Variants in KIAA1328 observed in about 807,000 individuals in gnomAD.
KIAA1328 encodes KIAA1328, also known as protein hinderin.
A neutral mutation model predicts 68.1 loss-of-function variants in KIAA1328; 52 were observed. The observed-to-expected ratio is 0.76, with a 90% CI of 0.61 to 0.96. The LOEUF is 0.96. Among genes scored for constraint, KIAA1328 ranks in the 40% least tolerant of loss-of-function variants. KIAA1328 has a pLI of 0.00. For missense variants in KIAA1328, 641 were observed against 677.6 expected, an observed-to-expected ratio of 0.95 and a Z score of 0.60; for synonymous variants, 232 against 239.4, an observed-to-expected ratio of 0.97 and a Z score of 0.28.
intron 7 of KIAA1328, among the ~76,000 whole-genome samples, chr18:37,139,826 T>C (rs977841325): frequency 6.6e-6 from 1 of 152,182 alleles, no homozygotes; most frequent in Non-Finnish European, 1.5e-5. Flanking sequence ...TAAGGCCCCA[T>C]TAAAAATACT....
At chr18:36,873,464 C>T (rs2048015183) in intron 4 of KIAA1328, among the ~76,000 whole-genome samples, 2 of 152,022 alleles carry the variant, frequency 1.3e-5, no homozygotes, top group Non-Finnish European at 1.5e-5. Flanking sequence ...GACAGTAGTC[C>T]CTATCTTTTT....
chr18:37,063,501 A>T, intron 6 of KIAA1328: 1 of 246,140 alleles, frequency 4.1e-6, no homozygotes, highest in Non-Finnish European at 6.5e-6. Flanking sequence ...CTCAGGATTT[A>T]TATCCTGTCA....
intron 8 of KIAA1328, among the ~76,000 whole-genome samples, chr18:37,160,682 A>G (rs577349581): frequency 6.6e-6 from 1 of 152,332 alleles, no homozygotes; most frequent in Admixed American, 6.5e-5. Flanking sequence ...AAGTGAGTAA[A>G]GAGGGCAAGA....
At chr18:36,927,529 T>C (rs1269920936) in intron 5 of KIAA1328, among the ~76,000 whole-genome samples, 1 of 152,138 alleles carries the variant, frequency 6.6e-6, no homozygotes, top group Non-Finnish European at 1.5e-5. Context: ...GGCAGATCAC[T>C]TGAGCTCAGG....
chr18:37,147,088 G>T (rs1371336746), intron 7 of KIAA1328, among the ~76,000 whole-genome samples: 1 of 151,990 alleles, frequency 6.6e-6, no homozygotes, highest in Non-Finnish European at 1.5e-5. Flanking sequence ...GCTCCCCTTT[G>T]CCTTCTGCCA....
chr18:37,073,492 A>C (rs561321880), intron 7 of KIAA1328, among the ~76,000 whole-genome samples: 27 of 152,310 alleles, frequency 1.8e-4, no homozygotes, highest in African/African-American at 6.5e-4. Context: ...CAATTATTAA[A>C]AGGTTCCACA....
At chr18:37,073,748 A>G (rs1834618828) in intron 7 of KIAA1328, among the ~76,000 whole-genome samples, 1 of 152,158 alleles carries the variant, frequency 6.6e-6, no homozygotes, top group South Asian at 2.1e-4. Context: ...CTTTATTTTC[A>G]GAGACTTGCT....
chr18:36,882,052 A>G (rs969827325), intron 4 of KIAA1328, among the ~76,000 whole-genome samples: 3 of 152,200 alleles, frequency 2.0e-5, no homozygotes, highest in South Asian at 2.1e-4. Context: ...TTACATTCCT[A>G]CTAAGCACTG....
At chr18:36,895,831 A>T (rs2048849934) in intron 5 of KIAA1328, 6 of 455,018 alleles carry the variant, frequency 1.3e-5, no homozygotes, top group South Asian at 9.3e-5. Flanking sequence ...GTTGTCCTAG[A>T]AGAAGAGCAG....
chr18:37,096,912 G>A (rs1022868154), intron 7 of KIAA1328, among the ~76,000 whole-genome samples: 5 of 152,066 alleles, frequency 3.3e-5, no homozygotes, highest in African/African-American at 1.2e-4. Flanking sequence ...CCCACTTTTT[G>A]TTGGGGCCGT....
At chr18:36,899,909 C>T (rs1194045208) in intron 5 of KIAA1328, among the ~76,000 whole-genome samples, 1 of 151,752 alleles carries the variant, frequency 6.6e-6, no homozygotes, top group Non-Finnish European at 1.5e-5. Flanking sequence ...TAATATATTG[C>T]AAGAAAATCC....
At chr18:36,837,807 T>C (rs75632162) in intron 3 of KIAA1328, among the ~76,000 whole-genome samples, 3,152 of 152,278 alleles carry the variant, frequency 0.021, 57 homozygotes, top group Non-Finnish European at 0.035. Flanking sequence ...CATGTAGATA[T>C]CCAGTTGTCC....
At chr18:37,185,100 A>T (rs2059770030) in intron 9 of KIAA1328, among the ~76,000 whole-genome samples, 1 of 151,686 alleles carries the variant, frequency 6.6e-6, no homozygotes, top group South Asian at 2.1e-4. Flanking sequence ...TGGGAGGCAG[A>T]GCTTGCAGTG....
intron 7 of KIAA1328, among the ~76,000 whole-genome samples, chr18:37,098,116 T>C (rs985129562): frequency 6.6e-6 from 1 of 152,078 alleles, no homozygotes; most frequent in African/African-American, 2.4e-5. Context: ...CTATGTTGAA[T>C]AGGAGTGGTG....
rs373868325 is a variant in KIAA1328, at chr18:36,869,279, T to C, written c.333-16278T>C. Reference sequence around the variant, plus strand: ...TTCTGAGCTCTGTATCAAAAGAATATCTTTTGAGTAACTAGTGTACACTTA... The same window carrying C: ...TTCTGAGCTCTGTATCAAAAGAATACCTTTTGAGTAACTAGTGTACACTTA... On this transcript the variant is annotated intron_variant, in intron 4 of 9. Transcript: ENST00000280020. 2.3e-4 allele frequency among the ~76,000 whole-genome samples: 35 copies of C among 152,326 alleles called. No homozygotes were observed. In the East Asian group the frequency reaches 6.6e-3, roughly 29 times the overall value.
At chr18:37,005,062 C>A (rs2053729598) in intron 6 of KIAA1328, among the ~76,000 whole-genome samples, 1 of 151,860 alleles carries the variant, frequency 6.6e-6, no homozygotes, top group Non-Finnish European at 1.5e-5. Context: ...GAGGCAAAGG[C>A]ATAAGAATGA....
At chr18:37,057,568 C>T (rs1384306225) in intron 6 of KIAA1328, among the ~76,000 whole-genome samples, 1 of 151,850 alleles carries the variant, frequency 6.6e-6, no homozygotes, top group African/African-American at 2.4e-5. Context: ...GCTGGGACTA[C>T]AGGTGCACAC....
At chr18:37,057,777 T>C (rs2055977696) in intron 6 of KIAA1328, among the ~76,000 whole-genome samples, 1 of 152,134 alleles carries the variant, frequency 6.6e-6, no homozygotes, top group South Asian at 2.1e-4. Flanking sequence ...AAGGTTTTAC[T>C]GTAACACAGA....
intron 9 of KIAA1328, among the ~76,000 whole-genome samples, chr18:37,209,203 CTT>C (rs2154220088): frequency 6.6e-6 from 1 of 152,306 alleles, no homozygotes; most frequent in African/African-American, 2.4e-5. Context: ...ATGGGTAACA[CTT>C]TTCAGAATCT....
Sources: gnomAD v4.1 joint callset for allele counts (sites outside exome capture counted in the v4.1 genomes callset) on GRCh38, gnomAD v4.1.1 for gene constraint, MANE v1.5 for transcripts, NCBI Gene and HGNC (gene_info 2026-07-23, HGNC 2026-07-21) for gene names.